Variants in GNPTAB observed in about 807,000 individuals in gnomAD.
GNPTAB encodes the protein N-acetylglucosamine-1-phosphate transferase subunits alpha and beta, also known as N-acetylglucosamine-1-phosphotransferase subunits alpha/beta.
In GNPTAB, 92 loss-of-function variants were observed where a neutral mutation model predicts 136.6. The observed-to-expected ratio is 0.67, with a 90% CI of 0.57 to 0.80. The LOEUF (loss-of-function observed/expected upper bound fraction) is 0.80, where lower values mean the gene tolerates loss of function less well. Among genes scored for constraint, GNPTAB ranks in the 30% least tolerant of loss-of-function variants. GNPTAB has a pLI of 0.00. For missense variants in GNPTAB, 1,343 were observed against 1,501.8 expected (o/e 0.89, Z 1.75); for synonymous variants, 512 against 535.1 (o/e 0.96, Z 0.60).
chr12:101,760,165 A>G, intron 15 of GNPTAB, 22 bp from the exon 16 acceptor site: 1 of 1,360,694 alleles, frequency 7.3e-7, no homozygotes, highest in Admixed American at 1.7e-5. Context: ...AAAGATGATA[A>G]ATCTGTTATG....
At chr12:101,750,522 A>T (rs1952800578) in intron 19 of GNPTAB, among the ~76,000 whole-genome samples, 1 of 152,232 alleles carries the variant, frequency 6.6e-6, no homozygotes, top group African/African-American at 2.4e-5. Flanking sequence ...CACCATTTGT[A>T]CAGCACAGAA....
intron 1 of GNPTAB, among the ~76,000 whole-genome samples, chr12:101,818,444 C>T (rs577120741): frequency 6.7e-6 from 1 of 148,480 alleles, no homozygotes; most frequent in East Asian, 2.0e-4. Context: ...GTAGCACGAT[C>T]TCGGCTCACC....
intron 12 of GNPTAB, chr12:101,765,671 A>G: frequency 5.7e-6 from 2 of 349,972 alleles, no homozygotes; most frequent in South Asian, 5.4e-5. Context: ...GGTTCTTAAC[A>G]ATAAATTACA....
intron 1 of GNPTAB, among the ~76,000 whole-genome samples, chr12:101,826,015 T>C (rs1299203137): frequency 6.6e-6 from 1 of 152,148 alleles, no homozygotes; most frequent in African/African-American, 2.4e-5. Flanking sequence ...AAGAACACAC[T>C]CAAATATATC....
At chr12:101,819,316 CCT>C (rs1870683482) in intron 1 of GNPTAB, among the ~76,000 whole-genome samples, 1 of 152,082 alleles carries the variant, frequency 6.6e-6, no homozygotes, top group African/African-American at 2.4e-5. Flanking sequence ...CTGGCCTAAA[CCT>C]CTTTTTCTTT....
At chr12:101,781,587 A>G (rs1434155178) in intron 5 of GNPTAB, among the ~76,000 whole-genome samples, 1 of 152,206 alleles carries the variant, frequency 6.6e-6, no homozygotes, top group Non-Finnish European at 1.5e-5. Flanking sequence ...CAGGAGGCTG[A>G]GATGGGAGGA....
chr12:101,800,852 T>C (rs940419993), intron 1 of GNPTAB, among the ~76,000 whole-genome samples: 1 of 152,016 alleles, frequency 6.6e-6, no homozygotes, highest in Non-Finnish European at 1.5e-5. Context: ...AGGCATACTT[T>C]AATTGGTACC....
At chr12:101,793,957 C>T (rs1321057360) in intron 2 of GNPTAB, among the ~76,000 whole-genome samples, 2 of 152,188 alleles carry the variant, frequency 1.3e-5, no homozygotes, top group Admixed American at 6.5e-5. Flanking sequence ...ATTCTCCCTG[C>T]CTCAGCCTCC....
At chr12:101,759,981 G>T in intron 16 of GNPTAB, 49 bp downstream of exon 16, 1 of 1,060,084 alleles carries the variant, frequency 9.4e-7, no homozygotes, top group Non-Finnish European at 1.5e-6. Flanking sequence ...AGTAACACTT[G>T]ATAAGGATGT....
chr12:101,796,729 C>T lies in GNPTAB; in HGVS notation c.151G>A (p.Val51Ile), dbSNP rs1869315308. Residue 51 changes from valine (V) to isoleucine (I), a missense_variant, in exon 2 of 21, where the codon GTT (valine) becomes ATT (isoleucine). Val to Ile is a conservative substitution (Grantham distance 29). Coordinates refer to ENST00000299314, the MANE Select transcript of GNPTAB (RefSeq NM_024312.5). ...TTGTCTCTATAGGAATCAAACAAAA[C>T]ATGGTATTGATCTCGGCTCCATTCC... ...VLEWSRDQYH[V>I]LFDSYRDNIA... 6.2e-7 allele frequency: 1 copy of T among 1,613,070 alleles called. No homozygotes were observed. Among genetic ancestry groups the T allele is most frequent in the Admixed American group, 1.7e-5 (1 of 59,998 alleles).
At chr12:101,802,580 A>T (rs1869708617) in intron 1 of GNPTAB, among the ~76,000 whole-genome samples, 1 of 152,140 alleles carries the variant, frequency 6.6e-6, no homozygotes, top group Non-Finnish European at 1.5e-5. Context: ...AGGAAAAAAA[A>T]ACACTCCACA....
intron 2 of GNPTAB, among the ~76,000 whole-genome samples, chr12:101,795,132 T>G (rs1341934603): frequency 1.3e-5 from 2 of 152,198 alleles, no homozygotes; most frequent in East Asian, 3.8e-4. Flanking sequence ...TTTAATGCAG[T>G]AGTTTTCACA....
chr12:101,781,513 C>G (rs1479315680), intron 5 of GNPTAB, among the ~76,000 whole-genome samples: 1 of 151,950 alleles, frequency 6.6e-6, no homozygotes, highest in Admixed American at 6.6e-5. Context: ...AAAAAACAAA[C>G]AAACAAACAA....
At position 101,764,851 on chromosome 12, in the gene GNPTAB, G is replaced by A. The variant is rs1386585865; in HGVS notation, c.2066C>T (p.Ala689Val). The A allele has an allele frequency of 6.2e-7, 1 of 1,614,070 alleles. No individual in the cohort carries two copies. The highest frequency in any genetic ancestry group is 8.5e-7 in the Non-Finnish European group (1 of 1,180,002). Residue 689 changes from alanine to valine, a missense_variant, in exon 13 of 21, where the codon GCC (alanine) becomes GTC (valine). Ala to Val is a moderately conservative substitution (Grantham distance 64). Transcript: ENST00000299314. Reference protein sequence around the residue: ...KRHDVNSTRRAQEEVKIPLVN... With the variant: ...KRHDVNSTRRVQEEVKIPLVN... ...CAGGGGAATTTTCACCTCTTCCTGG[G>A]CTCTCCTTGTTGAGTTAACATCATG...
intron 5 of GNPTAB, among the ~76,000 whole-genome samples, chr12:101,782,922 T>A (rs1868427555): frequency 6.6e-6 from 1 of 152,072 alleles, no homozygotes; most frequent in Non-Finnish European, 1.5e-5. Context: ...GCTGGCTACC[T>A]CACCTTCTTC....
rs538805215 is a variant in GNPTAB at position 101,780,428 on chromosome 12, A to G, written c.636+129T>C. On this transcript the variant is annotated intron_variant, in intron 6 of 20. Coordinates refer to ENST00000299314, the MANE Select transcript of GNPTAB (RefSeq NM_024312.5). ...TTTAGGATTACTTGAATCAACAGTC[A>G]TTAATATTAGTAAGCTACCCTTAGA... 2.6e-5 allele frequency: 28 copies of G among 1,094,004 alleles called. No individual in the cohort carries two copies. In the East Asian group the frequency reaches 6.5e-4, roughly 26 times the overall value. 67.8% of individuals were successfully genotyped at this position (1,094,004 alleles called of 1,614,324 possible). A position where few individuals can be genotyped will look rare whatever the true frequency, so the allele number is the denominator to read the frequency against.
intron 10 of GNPTAB, 73 bp from the exon 11 acceptor site, chr12:101,768,233 C>A: frequency 6.5e-7 from 1 of 1,527,958 alleles, no homozygotes; most frequent in African/African-American, 1.4e-5. Flanking sequence ...TTAAGATTCC[C>A]TTTATAAAAA....
intron 7 of GNPTAB, among the ~76,000 whole-genome samples, chr12:101,775,887 G>A (rs192272699): frequency 2.0e-5 from 3 of 152,252 alleles, no homozygotes; most frequent in African/African-American, 4.8e-5. Context: ...GCTTTGAGGG[G>A]GGCAGAGTCC....
rs893190006 is a variant in GNPTAB, at chr12:101,828,955, A to C, written c.117+1604T>G. Among the ~76,000 whole-genome samples, 4 of 152,366 alleles carry C rather than the reference A, an allele frequency of 2.6e-5. No homozygotes were observed. In the East Asian group the frequency reaches 5.8e-4, roughly 22 times the overall value. On this transcript the variant is annotated intron_variant, in intron 1 of 20. Coordinates refer to ENST00000299314, the MANE Select transcript of GNPTAB (RefSeq NM_024312.5). ...ATTATGATCATTATCAACTGGAGTCAGCAATCAAGGCCAAATCTGCCTAAT... is the reference window on the plus strand; with the variant it reads ...ATTATGATCATTATCAACTGGAGTCCGCAATCAAGGCCAAATCTGCCTAAT...
Sources: allele counts gnomAD v4.1 joint callset (sites outside exome capture counted in the v4.1 genomes callset), GRCh38; gene constraint gnomAD v4.1.1; transcripts MANE v1.5; gene names NCBI Gene and HGNC (gene_info 2026-07-23, HGNC 2026-07-21).